METTL14: variants seen among roughly 807,000 people sequenced by gnomAD.
METTL14 encodes the protein N(6)-adenosine-methyltransferase non-catalytic subunit METTL14.
Under a neutral mutation model 62.4 loss-of-function variants are expected in METTL14, and 32 were observed. That is an observed-to-expected ratio of 0.51 (90% CI 0.39 to 0.69). The LOEUF is 0.69. Among genes scored for constraint, METTL14 ranks in the 30% least tolerant of loss-of-function variants. The pLI is 0.00. For synonymous variants in METTL14, 150 were observed against 180.0 expected, an observed-to-expected ratio of 0.83 and a Z score of 1.34; for missense variants, 340 against 551.9, an observed-to-expected ratio of 0.62 and a Z score of 3.85.
At chr4:118,691,667 G>C in intron 4 of METTL14, 55 bp downstream of exon 4, 1 of 857,482 alleles carries the variant, frequency 1.2e-6, no homozygotes, top group Admixed American at 3.3e-5. Flanking sequence ...TTCTATACCT[G>C]AAAAGATTTT....
At position 118,705,756 on chromosome 4, in the gene METTL14, T is replaced by A; in HGVS notation, c.1001T>A (p.Ile334Asn). Reference sequence around the variant, plus strand: ...AAACCTGTAGAAATTTTTCATATAATTGAGCATTTTTGTCTTGGTAGAAGA... The same window carrying A: ...AAACCTGTAGAAATTTTTCATATAAATGAGCATTTTTGTCTTGGTAGAAGA... Reference protein sequence around the residue: ...IEKPVEIFHIIEHFCLGRRRL... With the variant: ...IEKPVEIFHINEHFCLGRRRL... Residue 334 changes from isoleucine to asparagine, a missense_variant, in exon 10 of 11, where the codon ATT (isoleucine) becomes AAT (asparagine). Physicochemically the swap from Ile to Asn is moderately radical, Grantham distance 149. Coordinates refer to ENST00000388822, the MANE Select transcript of METTL14 (RefSeq NM_020961.4). 1 of 1,614,146 alleles carries A rather than the reference T, an allele frequency of 6.2e-7. No individual in the cohort carries two copies. The highest frequency in any genetic ancestry group is 8.5e-7 in the Non-Finnish European group (1 of 1,180,010).
intron 7 of METTL14, among the ~76,000 whole-genome samples, chr4:118,700,324 A>G (rs1277741786): frequency 6.6e-6 from 1 of 152,164 alleles, no homozygotes; most frequent in Non-Finnish European, 1.5e-5. Flanking sequence ...CAGCAAGTGT[A>G]TATATGTATA....
intron 10 of METTL14, among the ~76,000 whole-genome samples, chr4:118,706,474 T>G (rs1032868339): frequency 1.3e-5 from 2 of 152,222 alleles, no homozygotes; most frequent in African/African-American, 4.8e-5. Flanking sequence ...GTACCGCAGT[T>G]TTTATATCCA....
chr4:118,704,009 GAC>G lies in METTL14; in HGVS notation c.814_815del (p.Thr272Ter). The G allele has an allele frequency of 1.9e-6, 3 of 1,594,586 alleles. No individual in the cohort carries two copies. Among genetic ancestry groups the G allele is most frequent in the Non-Finnish European group, 2.6e-6 (3 of 1,174,468 alleles). On this transcript the variant is annotated frameshift_variant, in exon 9 of 11. Transcript: ENST00000388822. LOFTEE classifies it high-confidence loss of function. Reference protein sequence around the residue: ...IKTNKNNPGKTKTLDPKAVFQ... With the variant: ...IKTNKNNPGKXKTLDPKAVFQ... The stretch of plus-strand genomic sequence containing the variant: ...AAACCAATAAAAACAATCCTGGGAA[GAC>G]TAAGACTTTAGATCCAAAGGCTGTC...
chr4:118,692,293 C>G (rs1485876840), intron 5 of METTL14, among the ~76,000 whole-genome samples: 1 of 145,500 alleles, frequency 6.9e-6, no homozygotes, highest in Non-Finnish European at 1.5e-5. Flanking sequence ...GGGGTGATCT[C>G]TCTTGGCTCA....
chr4:118,691,600 T>A lies in METTL14; in HGVS notation c.312T>A (p.Ser104Arg). Residue 104 changes from serine to arginine, a missense_variant, in exon 4 of 11, where the codon AGT becomes AGA. By Grantham distance (110) the Ser-to-Arg change is moderately radical (BLOSUM62 -1). Transcript: ENST00000388822. ...PYEEEIYKDS[S>R]TFLKGTQSLN... The stretch of plus-strand genomic sequence containing the variant: ...AAGAAGAGATTTACAAAGATTCTAG[T>A]ACTTTTCTTAAGGTAAAATAAATAA... 1 of 1,510,028 alleles carries A rather than the reference T, an allele frequency of 6.6e-7. No homozygotes were observed. The highest frequency in any genetic ancestry group is 9.0e-7 in the Non-Finnish European group (1 of 1,111,250). 93.5% of individuals were successfully genotyped at this position (1,510,028 alleles called of 1,614,324 possible). A position where few individuals can be genotyped will look rare whatever the true frequency, so the allele number is the denominator to read the frequency against.
At chr4:118,699,380 C>T (rs901419911) in intron 7 of METTL14, among the ~76,000 whole-genome samples, 1 of 152,104 alleles carries the variant, frequency 6.6e-6, no homozygotes, top group African/African-American at 2.4e-5. Context: ...GTTGAAAAAT[C>T]AGAAAAGTGC....
Position 118,711,340 on chromosome 4 carries a change from CT to C in METTL14, c.*1039del, listed in dbSNP as rs1724915431. The C allele has an allele frequency of 6.6e-6, 1 of 152,184 alleles. No individual in the cohort carries two copies. 9.4% of individuals were successfully genotyped at this position (152,184 alleles called of 1,614,324 possible). A position where few individuals can be genotyped will look rare whatever the true frequency, so the allele number is the denominator to read the frequency against. ...TTATGCTGTCACTTCTCTTGCTGTA[CT>C]GTAATTCATGTTTTAAATGAATTTG... On this transcript the variant is annotated 3_prime_UTR_variant, in exon 11 of 11. Coordinates refer to ENST00000388822, the MANE Select transcript of METTL14 (RefSeq NM_020961.4).
intron 7 of METTL14, among the ~76,000 whole-genome samples, chr4:118,697,827 C>A (rs1042045074): frequency 6.6e-6 from 1 of 151,972 alleles, no homozygotes; most frequent in African/African-American, 2.4e-5. Context: ...ACTGACCAGT[C>A]CTGGGTAGAT....
chr4:118,685,905 C>T (rs1012894112), intron 1 of METTL14, among the ~76,000 whole-genome samples: 4 of 152,072 alleles, frequency 2.6e-5, no homozygotes, highest in African/African-American at 9.7e-5. Flanking sequence ...GTCATGTTAT[C>T]CCCTACATTT....
At chr4:118,697,412 C>A in intron 7 of METTL14, 89 bp downstream of exon 7, 1 of 1,159,582 alleles carries the variant, frequency 8.6e-7, no homozygotes, top group Non-Finnish European at 1.2e-6. Flanking sequence ...TAAATATCAT[C>A]CCTACTTTTG....
Position 118,710,470 on chromosome 4 carries a change from T to A in METTL14, c.*168T>A, listed in dbSNP as rs1343040659. 1.5e-6 allele frequency: 1 copy of A among 657,220 alleles called. No individual in the cohort carries two copies. Among genetic ancestry groups the A allele is most frequent in the African/African-American group, 1.8e-5 (1 of 54,898 alleles). 40.7% of individuals were successfully genotyped at this position (657,220 alleles called of 1,614,324 possible). On this transcript the variant is annotated 3_prime_UTR_variant, in exon 11 of 11. Transcript: ENST00000388822. ...CCTTGCTTGCAGTTGTCACACACAC[T>A]GTCTGGTTTTTTTCAGGATAAATGA...
At chr4:118,695,063 C>G (rs1579069238) in intron 6 of METTL14, among the ~76,000 whole-genome samples, 1 of 151,732 alleles carries the variant, frequency 6.6e-6, no homozygotes, top group East Asian at 1.9e-4. Flanking sequence ...AACTCCTGAC[C>G]TTGGGTGATT....
Position 118,689,370 on chromosome 4 carries a change from G to A in METTL14, c.156G>A (p.Arg52=), listed in dbSNP as rs1474347145. 1 of 1,567,150 alleles carries A rather than the reference G, an allele frequency of 6.4e-7. No individual in the cohort carries two copies. Among genetic ancestry groups the A allele is most frequent in the Non-Finnish European group, 8.7e-7 (1 of 1,152,036 alleles). ...REIAETRETC[R]ASYDTSAPNA... is the part of the protein sequence containing the mutation. ...GGTAATATTTCTGTTTATTTTTCAG[G>A]GCTTCCTATGATACCTCTGCTCCAA... is the stretch of plus-strand genomic sequence containing the variant. The change falls in exon 3 of 11, where the codon AGG becomes AGA. Residue 52 remains arginine (R), a splice_region_variant and synonymous_variant. Transcript: ENST00000388822.
At chr4:118,690,244 T>C (rs968105520) in intron 3 of METTL14, among the ~76,000 whole-genome samples, 1 of 150,706 alleles carries the variant, frequency 6.6e-6, no homozygotes. Flanking sequence ...TTCACCATAT[T>C]GGCCAGGCTC....
intron 10 of METTL14, 103 bp from the exon 11 acceptor site, chr4:118,709,895 G>A: frequency 9.1e-7 from 1 of 1,096,360 alleles, no homozygotes; most frequent in African/African-American, 1.6e-5. Flanking sequence ...GATGAATGAT[G>A]GGGACATCTT....
chr4:118,714,256 C>T lies in METTL14; in HGVS notation c.*3954C>T, dbSNP rs1420801725. On this transcript the variant is annotated 3_prime_UTR_variant, in exon 11 of 11. Coordinates refer to ENST00000388822, the MANE Select transcript of METTL14 (RefSeq NM_020961.4). ...TCATCCATCTATCTGTGCTTTTTCT[C>T]ACTTTGATGAGTTCTCTCAACTCCT... 6.6e-6 allele frequency: 1 copy of T among 152,194 alleles called. No individual in the cohort carries two copies. Among genetic ancestry groups the T allele is most frequent in the African/African-American group, 2.4e-5 (1 of 41,448 alleles). The allele number at this position is 152,194 out of a possible 1,614,324, so 9.4% of individuals were successfully genotyped here. A position where few individuals can be genotyped will look rare whatever the true frequency, so the allele number is the denominator to read the frequency against.
chr4:118,694,263 T>A (rs1579068683), intron 5 of METTL14, among the ~76,000 whole-genome samples, 173 bp from the exon 6 acceptor site: 1 of 152,292 alleles, frequency 6.6e-6, no homozygotes, highest in Non-Finnish European at 1.5e-5. Flanking sequence ...TGTCATTAGT[T>A]ATGAAATCTG....
chr4:118,694,191 T>C (rs1410952586), intron 5 of METTL14, among the ~76,000 whole-genome samples: 2 of 151,560 alleles, frequency 1.3e-5, no homozygotes, highest in East Asian at 3.9e-4. Flanking sequence ...TTAATAAATA[T>C]GTGATATTAA....
Sources: gnomAD v4.1 joint callset for allele counts (sites outside exome capture counted in the v4.1 genomes callset) on GRCh38, gnomAD v4.1.1 for gene constraint, MANE v1.5 for transcripts, NCBI Gene and HGNC (gene_info 2026-07-23, HGNC 2026-07-21) for gene names.